The following DAB1 variants were observed in gnomAD, a reference collection of about 807,000 sequenced individuals.
DAB1 encodes disabled homolog 1.
In DAB1, 15 loss-of-function variants were observed where a neutral mutation model predicts 64.6. The ratio of observed to expected loss-of-function variants is 0.23; its 90% CI spans 0.16 to 0.36. The LOEUF is 0.36. Ranked by LOEUF, DAB1 falls within the 10% of genes least tolerant of loss-of-function variation. The pLI, the probability that DAB1 is intolerant of heterozygous loss-of-function variation, is 1.00. For missense variants in DAB1, 596 were observed against 706.7 expected (o/e 0.84, Z 1.78); for synonymous variants, 235 against 251.9 (o/e 0.93, Z 0.64).
At chr1:58,534,295 T>C in intron 1 of DAB1, 1 of 866,230 alleles carries the variant, frequency 1.2e-6, no homozygotes. Flanking sequence ...CGGGCATCTT[T>C]CTCAGTTAGC....
intron 1 of DAB1, among the ~76,000 whole-genome samples, chr1:57,838,943 A>G (rs1652930640): frequency 6.6e-6 from 1 of 151,866 alleles, no homozygotes; most frequent in Non-Finnish European, 1.5e-5. Flanking sequence ...TGCTCAGCTA[A>G]TGTATTTATT....
chr1:57,030,616 C>G (rs774057111), intron 9 of DAB1, among the ~76,000 whole-genome samples: 6 of 152,190 alleles, frequency 3.9e-5, no homozygotes, highest in Non-Finnish European at 5.9e-5. Flanking sequence ...CCTTTCCCAG[C>G]CTTTTCCATC....
At chr1:57,107,534 CCCA>C (rs1354770146) in intron 4 of DAB1, among the ~76,000 whole-genome samples, 1 of 151,942 alleles carries the variant, frequency 6.6e-6, no homozygotes, top group African/African-American at 2.4e-5. Flanking sequence ...CAGGGATACC[CCCA>C]CCCAGAACAC....
chr1:58,065,053 T>A (rs947916495), intron 5 of DAB1, among the ~76,000 whole-genome samples: 10 of 152,346 alleles, frequency 6.6e-5, no homozygotes, highest in Admixed American at 1.3e-4. Flanking sequence ...AGTTGGGTAC[T>A]ATGCTACCTA....
At chr1:58,108,566 T>C (rs544643599) in intron 5 of DAB1, among the ~76,000 whole-genome samples, 29 of 152,274 alleles carry the variant, frequency 1.9e-4, no homozygotes, top group African/African-American at 5.1e-4. Context: ...CTAAGACCCA[T>C]TGGAACCTTA....
intron 7 of DAB1, among the ~76,000 whole-genome samples, chr1:57,499,633 G>C (rs987218092): frequency 5.3e-5 from 8 of 152,206 alleles, no homozygotes; most frequent in Non-Finnish European, 8.8e-5. Context: ...AGGGAGGCAA[G>C]GAAGTTAAAA....
At chr1:57,254,978 A>G (rs1669650703) in intron 2 of DAB1, among the ~76,000 whole-genome samples, 2 of 152,200 alleles carry the variant, frequency 1.3e-5, no homozygotes, top group African/African-American at 4.8e-5. Flanking sequence ...CTTTATGTCC[A>G]TAACGTAGAA....
At chr1:57,437,945 AC>A (rs914533259) in intron 7 of DAB1, among the ~76,000 whole-genome samples, 1 of 152,204 alleles carries the variant, frequency 6.6e-6, no homozygotes, top group Non-Finnish European at 1.5e-5. Context: ...TGCCTCTGCC[AC>A]TAATTAATTG....
chr1:58,114,300 G>C (rs890006347), intron 5 of DAB1, among the ~76,000 whole-genome samples: 1 of 152,136 alleles, frequency 6.6e-6, no homozygotes, highest in Non-Finnish European at 1.5e-5. Context: ...CATCATTAAT[G>C]ATAGGTAACC....
At position 58,493,265 on chromosome 1, in the gene DAB1, C is replaced by T. The variant is rs1254814868; in HGVS notation, n.257+12795G>A. Among the ~76,000 whole-genome samples the T allele has an allele frequency of 3.3e-5, 5 of 152,126 alleles. No homozygotes were observed. In the East Asian group the frequency reaches 5.8e-4, roughly 18 times the overall value. On this transcript the variant is annotated intron_variant and non_coding_transcript_variant, in intron 3 of 20. Transcript: ENST00000485760. ...TAAATTAGGTATTGATGGGACGTATCTCAAAATAGTAAGAGCTATTTATGA... is the reference window on the plus strand; with the variant it reads ...TAAATTAGGTATTGATGGGACGTATTTCAAAATAGTAAGAGCTATTTATGA...
intron 5 of DAB1, among the ~76,000 whole-genome samples, chr1:58,134,049 C>T (rs1035299485): frequency 1.6e-4 from 24 of 152,154 alleles, no homozygotes; most frequent in African/African-American, 5.6e-4. Flanking sequence ...CCCCATTTTC[C>T]CTGTTTGAGC....
At chr1:57,128,505 C>T (rs748746224) in intron 4 of DAB1, among the ~76,000 whole-genome samples, 1 of 152,156 alleles carries the variant, frequency 6.6e-6, no homozygotes, top group Admixed American at 6.5e-5. Flanking sequence ...GACTTTGATG[C>T]CACAGTGACA....
At chr1:57,714,179 C>CAT (rs71051250) in intron 6 of DAB1, among the ~76,000 whole-genome samples, 66,972 of 151,946 alleles carry the variant, frequency 0.44, 16,706 homozygotes, top group African/African-American at 0.69. Context: ...GTAATTTACA[C>CAT]GTTACCTCAT....
intron 3 of DAB1, among the ~76,000 whole-genome samples, chr1:58,354,193 T>A (rs1369867572): frequency 2.0e-5 from 3 of 151,984 alleles, no homozygotes; most frequent in African/African-American, 7.3e-5. Flanking sequence ...AAAGAGAGCT[T>A]TCTTCCTTGT....
chr1:57,823,710 G>A (rs1448355163), downstream of DAB1, among the ~76,000 whole-genome samples: 1 of 152,146 alleles, frequency 6.6e-6, no homozygotes, highest in African/African-American at 2.4e-5. Flanking sequence ...AAAGGAAAGT[G>A]GCCCTGACAT....
chr1:57,320,951 A>G (rs1232357559), intron 1 of DAB1, among the ~76,000 whole-genome samples: 1 of 152,196 alleles, frequency 6.6e-6, no homozygotes, highest in Admixed American at 6.5e-5. Context: ...TTTAACTTCT[A>G]CTTTTTGCTG....
chr1:57,516,553 A>C (rs1296440902), intron 7 of DAB1, among the ~76,000 whole-genome samples: 2 of 152,200 alleles, frequency 1.3e-5, no homozygotes, highest in African/African-American at 4.8e-5. Context: ...CGTTGAGAAC[A>C]ATAAAACCAT....
intron 3 of DAB1, among the ~76,000 whole-genome samples, chr1:58,398,582 A>C (rs1644543186): frequency 6.6e-6 from 1 of 152,256 alleles, no homozygotes; most frequent in Admixed American, 6.5e-5. Context: ...ACCACATTTT[A>C]GGCACATGCT....
chr1:58,066,469 A>C (rs920121748), intron 5 of DAB1, among the ~76,000 whole-genome samples: 1 of 152,236 alleles, frequency 6.6e-6, no homozygotes, highest in South Asian at 2.1e-4. Context: ...GTTAACAATA[A>C]TAATAATTGC....
Sources: gnomAD v4.1 joint callset for allele counts (sites outside exome capture counted in the v4.1 genomes callset) on GRCh38, gnomAD v4.1.1 for gene constraint, MANE v1.5 for transcripts, NCBI Gene and HGNC (gene_info 2026-07-23, HGNC 2026-07-21) for gene names.